Variants in CACNA1C observed in about 807,000 individuals in gnomAD.
CACNA1C encodes the protein voltage-dependent L-type calcium channel subunit alpha-1C.
A neutral mutation model predicts 229.0 loss-of-function variants in CACNA1C; 30 were observed. The observed-to-expected ratio is 0.13, with a 90% CI of 0.10 to 0.18. CACNA1C has a LOEUF of 0.18. CACNA1C is among the 10% of genes least tolerant of loss of function. The pLI is 1.00. For synonymous variants in CACNA1C, 1,114 were observed against 1,132.5 expected (o/e 0.98, Z 0.33); for missense variants, 1,658 against 2,845.0 (o/e 0.58, Z 9.49).
At chr12:2,394,406 G>A (rs1214092528) in intron 3 of CACNA1C, among the ~76,000 whole-genome samples, 1 of 152,198 alleles carries the variant, frequency 6.6e-6, no homozygotes, top group Non-Finnish European at 1.5e-5. Context: ...TGATTTTCAA[G>A]GGAAGATGTA....
At chr12:2,179,620 A>G (rs902475550) in intron 3 of CACNA1C, among the ~76,000 whole-genome samples, 11 of 152,230 alleles carry the variant, frequency 7.2e-5, no homozygotes, top group African/African-American at 2.7e-4. Context: ...TTGGCTCCAG[A>G]CCTGAGTCTC....
intron 30 of CACNA1C, among the ~76,000 whole-genome samples, chr12:2,635,657 T>G (rs569910587): frequency 6.6e-6 from 1 of 152,290 alleles, no homozygotes. Flanking sequence ...TTTTAGCAGA[T>G]GGACTATGGA....
chr12:2,386,158 A>G (rs1728168859), intron 3 of CACNA1C, among the ~76,000 whole-genome samples: 2 of 152,220 alleles, frequency 1.3e-5, no homozygotes, highest in African/African-American at 4.8e-5. Flanking sequence ...GTGACATCCC[A>G]TTGGTAGCTT....
At chr12:2,173,150 C>T (rs2096547248) in intron 3 of CACNA1C, among the ~76,000 whole-genome samples, 1 of 152,038 alleles carries the variant, frequency 6.6e-6, no homozygotes, top group South Asian at 2.1e-4. Flanking sequence ...ACTTCACTGC[C>T]CTGAGAGATG....
intron 1 of CACNA1C, among the ~76,000 whole-genome samples, chr12:1,995,055 T>TA (rs1158497507): frequency 1.3e-5 from 2 of 152,138 alleles, no homozygotes; most frequent in African/African-American, 2.4e-5. Context: ...GAGAAAAGAC[T>TA]AAAAAACAGC....
intron 3 of CACNA1C, among the ~76,000 whole-genome samples, chr12:2,329,738 T>A (rs1211940375): frequency 5.3e-5 from 8 of 152,064 alleles, no homozygotes; most frequent in Non-Finnish European, 1.0e-4. Flanking sequence ...TAGAGGAGAA[T>A]AAAGTAGGAA....
chr12:2,516,148 G>A (rs1294778046), intron 9 of CACNA1C, among the ~76,000 whole-genome samples: 1 of 152,178 alleles, frequency 6.6e-6, no homozygotes, highest in Non-Finnish European at 1.5e-5. Context: ...GAATAAAGAC[G>A]TGGAGGCTGG....
At chr12:2,395,518 G>A (rs576560332) in intron 3 of CACNA1C, among the ~76,000 whole-genome samples, 1 of 152,280 alleles carries the variant, frequency 6.6e-6, no homozygotes, top group South Asian at 2.1e-4. Flanking sequence ...AAGGGAAAGG[G>A]GCTTTTTTTT....
intron 31 of CACNA1C, 141 bp downstream of exon 31, chr12:2,648,648 T>G (rs1569039292): frequency 6.8e-6 from 5 of 734,284 alleles, no homozygotes; most frequent in Non-Finnish European, 1.2e-5. Flanking sequence ...CCGTGTGCCT[T>G]GCCTGCCTGT....
chr12:2,677,710 A>G lies in CACNA1C; in HGVS notation c.4957-23A>G. The G allele has an allele frequency of 6.2e-7, 1 of 1,608,624 alleles. No individual in the cohort carries two copies. Among genetic ancestry groups the G allele is most frequent in the Non-Finnish European group, 8.5e-7 (1 of 1,177,854 alleles). On this transcript the variant is annotated intron_variant, in intron 40 of 46. Coordinates refer to ENST00000399655, the MANE Select transcript of CACNA1C (RefSeq NM_000719.7). This position sits in a 1 kb window ranked among gnomAD's most constrained non-coding sequence, Gnocchi z 7.4. ...TTGGAGGAAAGGGAGCGTGGTCCTCACCATCCTCCCCTTGGATTCCAGGCT... is the reference window on the plus strand; with the variant it reads ...TTGGAGGAAAGGGAGCGTGGTCCTCGCCATCCTCCCCTTGGATTCCAGGCT...
At chr12:2,277,714 T>C (rs1309635207) in intron 3 of CACNA1C, among the ~76,000 whole-genome samples, 1 of 152,172 alleles carries the variant, frequency 6.6e-6, no homozygotes, top group East Asian at 1.9e-4. Context: ...GAGGAAGCCT[T>C]CTCTCTCCTG....
intron 18 of CACNA1C, among the ~76,000 whole-genome samples, chr12:2,589,225 T>C (rs2063978396): frequency 6.6e-6 from 1 of 152,148 alleles, no homozygotes; most frequent in Non-Finnish European, 1.5e-5. Flanking sequence ...GGAACTGACA[T>C]ATCAGTGGGG....
At chr12:2,685,993 G>C (rs980780488) in intron 44 of CACNA1C, among the ~76,000 whole-genome samples, 151 bp downstream of exon 44, 2 of 152,184 alleles carry the variant, frequency 1.3e-5, no homozygotes, top group African/African-American at 4.8e-5. Flanking sequence ...TCCAAAGGCA[G>C]GGTGTGCAGG....
Position 2,595,943 on chromosome 12 carries a change from G to T in CACNA1C, c.2733G>T (p.Leu911=). The T allele has an allele frequency of 6.2e-7, 1 of 1,613,600 alleles. No individual in the cohort carries two copies. The highest frequency in any genetic ancestry group is 1.7e-5 in the Admixed American group (1 of 60,014). The change falls in exon 20 of 47, where the codon CTG becomes CTT. Residue 911 remains leucine (L), a synonymous_variant. Coordinates refer to ENST00000399655, the MANE Select transcript of CACNA1C (RefSeq NM_000719.7). This position sits in a 1 kb window ranked among gnomAD's most constrained non-coding sequence, Gnocchi z 4.1. The stretch of plus-strand genomic sequence containing the variant: ...CCAACCTGATCCTCTTCTTCATTCT[G>T]CTCAGCAGCATTTCCCTGGCTGCTG... ...IFTNLILFFI[L]LSSISLAAED...
intron 1 of CACNA1C, among the ~76,000 whole-genome samples, chr12:2,085,987 A>G (rs868841577): frequency 2.0e-5 from 3 of 152,088 alleles, no homozygotes; most frequent in African/African-American, 7.2e-5. Context: ...ACTGACTTCT[A>G]CTGCTTCTTT....
At chr12:2,445,074 A>G (rs547271866) in intron 3 of CACNA1C, among the ~76,000 whole-genome samples, 44 of 152,202 alleles carry the variant, frequency 2.9e-4, no homozygotes, top group Admixed American at 5.9e-4. Flanking sequence ...GCCAAATCAA[A>G]TGTTTGCATA....
intron 3 of CACNA1C, among the ~76,000 whole-genome samples, chr12:2,289,744 C>A (rs1454489308): frequency 2.0e-5 from 3 of 152,104 alleles, no homozygotes; most frequent in African/African-American, 7.2e-5. Context: ...CCGATGGGTA[C>A]ACACCGGGGA....
At chr12:2,682,885 AC>A (rs2097237508) in intron 43 of CACNA1C, among the ~76,000 whole-genome samples, 1 of 66,814 alleles carries the variant, frequency 1.5e-5, no homozygotes, top group Non-Finnish European at 3.6e-5. Flanking sequence ...CACACCACAC[AC>A]ACACACAGAC....
intron 9 of CACNA1C, among the ~76,000 whole-genome samples, chr12:2,526,390 G>A (rs907829084): frequency 3.9e-5 from 6 of 152,322 alleles, no homozygotes; most frequent in South Asian, 2.1e-4. Context: ...CCCGGATTCC[G>A]TTTCTTTTAG....
Sources: allele counts gnomAD v4.1 joint callset (sites outside exome capture counted in the v4.1 genomes callset), GRCh38; gene constraint gnomAD v4.1.1; non-coding constraint Gnocchi (gnomAD v3.1); transcripts MANE v1.5; gene names NCBI Gene and HGNC (gene_info 2026-07-23, HGNC 2026-07-21).